Variants in DLG5 observed in about 807,000 individuals in gnomAD.
DLG5 encodes discs large MAGUK scaffold protein 5, also known as disks large homolog 5.
DLG5 carries 48 observed loss-of-function variants against 189.8 expected under a neutral mutation model. That is an observed-to-expected ratio of 0.25 (90% confidence interval 0.20 to 0.32). The LOEUF (loss-of-function observed/expected upper bound fraction) is 0.32. Among genes scored for constraint, DLG5 ranks in the 10% least tolerant of loss-of-function variants. The pLI, the probability that DLG5 is intolerant of heterozygous loss-of-function variation, is 1.00. For synonymous variants in DLG5, 1,016 were observed against 1,054.1 expected, an observed-to-expected ratio of 0.96 and a Z score of 0.70; for missense variants, 2,160 against 2,544.7, an observed-to-expected ratio of 0.85 and a Z score of 3.25.
At chr10:77,841,320 C>T (rs1425370340) in intron 7 of DLG5, among the ~76,000 whole-genome samples, 1 of 152,332 alleles carries the variant, frequency 6.6e-6, no homozygotes, top group Admixed American at 6.5e-5. Context: ...CCCAGCCCCC[C>T]AACCCTGGAG....
chr10:77,938,337 C>A, the DLG5 span, among the ~76,000 whole-genome samples: 18 of 152,110 alleles, frequency 1.2e-4, no homozygotes, highest in Middle Eastern at 3.4e-3. Context: ...AGGCTGAGAT[C>A]GGAGAATCAC....
intron 1 of DLG5, among the ~76,000 whole-genome samples, chr10:77,908,832 GA>G (rs1423325463): frequency 6.6e-6 from 1 of 152,086 alleles, no homozygotes; most frequent in Admixed American, 6.5e-5. Context: ...GCCCTTCTGA[GA>G]ATCTGATGGA....
At chr10:77,924,766 G>T (rs1361454622) in intron 1 of DLG5, among the ~76,000 whole-genome samples, 1 of 152,172 alleles carries the variant, frequency 6.6e-6, no homozygotes, top group Non-Finnish European at 1.5e-5. Flanking sequence ...GGACAGAGAT[G>T]CAAGTCAGAA....
chr10:77,914,408 C>G (rs1846305739), intron 1 of DLG5, among the ~76,000 whole-genome samples: 1 of 152,198 alleles, frequency 6.6e-6, no homozygotes, highest in Non-Finnish European at 1.5e-5. Flanking sequence ...TCACCTAAAT[C>G]ATCTCCACCC....
rs536655348 is a variant in DLG5 at position 77,849,738 on chromosome 10, G to T, written c.864+3616C>A. Among the ~76,000 whole-genome samples the T allele has an allele frequency of 3.3e-5, 5 of 152,348 alleles. No homozygotes were observed. In the South Asian group the frequency reaches 1.0e-3, roughly 32 times the overall value. ...TGAGGCAGACAGGAAAGGGAGAGGG[G>T]GACAGGGGTGGGAGGGAGACCTCAG... On this transcript the variant is annotated intron_variant, in intron 5 of 31. Transcript: ENST00000372391.
At position 77,819,202 on chromosome 10, in the gene DLG5, C is replaced by G. The variant is rs1009632772; in HGVS notation, c.3671+119G>C. On this transcript the variant is annotated intron_variant, in intron 17 of 31. Coordinates refer to ENST00000372391, the MANE Select transcript of DLG5 (RefSeq NM_004747.4). The stretch of plus-strand genomic sequence containing the variant: ...TTTCCCTGTGCTGCTCTAGCCAGTC[C>G]CCTCCCAGGCAGGCAAGGAAGCTTC... 9 of 1,451,284 alleles carry G rather than the reference C, an allele frequency of 6.2e-6. No homozygotes were observed. The African/African-American group carries it at 1.3e-4, about 20-fold the overall frequency. The allele number at this position is 1,451,284 out of a possible 1,614,324, so 89.9% of individuals were successfully genotyped here.
At chr10:77,927,725 G>C (rs561643036), upstream of DLG5, 2 of 152,336 alleles carry the variant, frequency 1.3e-5, no homozygotes, top group African/African-American at 4.8e-5. Flanking sequence ...TGCTTCCTTT[G>C]ATGACTTGGA....
chr10:77,860,060 G>T (rs1844411803), intron 2 of DLG5, among the ~76,000 whole-genome samples: 2 of 152,166 alleles, frequency 1.3e-5, no homozygotes, highest in African/African-American at 4.8e-5. Context: ...AAGCCCAGGG[G>T]GAGGTTATGT....
chr10:77,794,635 G>T (rs979938544), intron 30 of DLG5, among the ~76,000 whole-genome samples: 2 of 152,224 alleles, frequency 1.3e-5, no homozygotes, highest in South Asian at 4.1e-4. Context: ...GCGGAGGGGC[G>T]CGAGGAAGGG....
intron 2 of DLG5, chr10:77,868,049 A>C (rs752151497): frequency 2.2e-6 from 1 of 456,712 alleles, no homozygotes; most frequent in South Asian, 1.5e-5. Flanking sequence ...GCGAGGAGAG[A>C]GGCCCGGGAC....
In DLG5 at chr10:77,828,883, G is replaced by T. The variant is rs751796052; in HGVS notation, c.2288C>A (p.Ala763Glu). 2 of 1,614,004 alleles carry T rather than the reference G, an allele frequency of 1.2e-6. No individual in the cohort carries two copies. The highest frequency in any genetic ancestry group is 3.3e-5 in the Admixed American group (2 of 60,002). The change falls in exon 13 of 32, where the codon GCG becomes GAG. Residue 763 changes from alanine to glutamate, a missense_variant and splice_region_variant. By Grantham distance (107) the Ala-to-Glu change is moderately radical. Coordinates refer to ENST00000372391, the MANE Select transcript of DLG5 (RefSeq NM_004747.4). ...CCTGGCTCCAGCCTTGAGACTTACC[G>T]CAACGATCCTGTCTCCCACAGCAAG... The part of the protein sequence containing the change: ...GSLAVGDRIV[A>E]INGIALDNKS...
At chr10:77,873,765 C>G (rs1309821122) in intron 1 of DLG5, among the ~76,000 whole-genome samples, 1 of 152,136 alleles carries the variant, frequency 6.6e-6, no homozygotes, top group East Asian at 1.9e-4. Flanking sequence ...CAGAGTTCTC[C>G]CTGTCCTCCA....
At chr10:77,929,703 A>T (rs571396394), upstream of DLG5, 5 of 152,346 alleles carry the variant, frequency 3.3e-5, no homozygotes, top group Non-Finnish European at 5.9e-5. Context: ...CCACCACCGG[A>T]AGCTAGGGGA....
In DLG5 at chr10:77,821,459, G is replaced by T. The variant is rs747211429; in HGVS notation, c.3025C>A (p.Pro1009Thr). ...HSPQPSKRAG[P>T]LTPPKPPRRS... The stretch of plus-strand genomic sequence containing the variant: ...CTGGGAGGTTTTGGGGGTGTCAGAG[G>T]CCCCGCCCTCTTGGAGGGCTGGGGA... Residue 1009 changes from proline (P) to threonine (T), a missense_variant, in exon 15 of 32, where the codon CCT becomes ACT. Physicochemically the swap from Pro to Thr is conservative, Grantham distance 38. Around this residue, in one of 5 missense-constraint regions of DLG5, gnomAD observed 754 missense variants for 746.5 expected, o/e 1.01. Coordinates refer to ENST00000372391, the MANE Select transcript of DLG5 (RefSeq NM_004747.4). 7 of 1,612,680 alleles carry T rather than the reference G, an allele frequency of 4.3e-6. No homozygotes were observed. The highest frequency in any genetic ancestry group is 4.5e-5 in the East Asian group (2 of 44,876).
At chr10:77,824,995 C>T (rs1240439376) in intron 13 of DLG5, among the ~76,000 whole-genome samples, 1 of 152,144 alleles carries the variant, frequency 6.6e-6, no homozygotes, top group Admixed American at 6.5e-5. Flanking sequence ...TATGTGCAGA[C>T]CTTCTTAAGA....
intron 1 of DLG5, among the ~76,000 whole-genome samples, chr10:77,915,339 A>G (rs1589279558): frequency 6.6e-6 from 1 of 152,264 alleles, no homozygotes; most frequent in Non-Finnish European, 1.5e-5. Context: ...AAAAAAAAAA[A>G]AATAGGAACG....
chr10:77,795,982 A>G (rs1840899321), intron 29 of DLG5, 79 bp downstream of exon 29: 1 of 1,598,320 alleles, frequency 6.3e-7, no homozygotes, highest in African/African-American at 1.3e-5. Context: ...GGGGCAGAGG[A>G]TCACGGACCA....
chr10:77,918,414 A>C (rs908861334), intron 1 of DLG5, among the ~76,000 whole-genome samples: 1 of 152,010 alleles, frequency 6.6e-6, no homozygotes, highest in Non-Finnish European at 1.5e-5. Flanking sequence ...TCTGTATCAA[A>C]AAAAAAAAAG....
intron 2 of DLG5, chr10:77,868,076 C>T (rs1038980475): frequency 2.2e-6 from 1 of 456,630 alleles, no homozygotes; most frequent in Non-Finnish European, 4.4e-6. Context: ...CTCCCTAGCG[C>T]CTTCAGCCTG....
Sources: allele counts gnomAD v4.1 joint callset (sites outside exome capture counted in the v4.1 genomes callset), GRCh38; gene constraint gnomAD v4.1.1; regional missense constraint gnomAD v4.1.1; transcripts MANE v1.5; gene names NCBI Gene and HGNC (gene_info 2026-07-23, HGNC 2026-07-21).